Variants in TULP4 observed in about 807,000 individuals in gnomAD.
The protein encoded by TULP4 is TUB like protein 4.
TULP4 carries 16 observed loss-of-function variants against 129.0 expected under a neutral mutation model. The observed-to-expected ratio is 0.12, with a 90% CI of 0.08 to 0.19. The LOEUF is 0.19. Among genes scored for constraint, TULP4 ranks in the 10% least tolerant of loss-of-function variants. The probability of loss-of-function intolerance (pLI) is 1.00; values close to 1 mark genes in which losing one functional copy is unlikely to be tolerated. For missense variants in TULP4, 1,842 were observed against 2,059.1 expected (o/e 0.89, Z 2.04); for synonymous variants, 998 against 854.0 (o/e 1.17, Z -2.94).
At chr6:158,242,203 T>C (rs1458866291) in intron 1 of TULP4, 1 of 1,406,838 alleles carries the variant, frequency 7.1e-7, no homozygotes, top group Non-Finnish European at 1.0e-6. Flanking sequence ...TGATAATGAA[T>C]GGTGGCAAAG....
intron 1 of TULP4, among the ~76,000 whole-genome samples, chr6:158,327,673 A>AT (rs71030152): frequency 0.68 from 102,646 of 150,302 alleles, 35,161 homozygotes; most frequent in East Asian, 0.86. Context: ...GTTTTAAACA[A>AT]TTTTTTTTTT....
intron 12 of TULP4, among the ~76,000 whole-genome samples, chr6:158,500,371 T>C (rs1018227832): frequency 1.3e-5 from 2 of 152,226 alleles, no homozygotes; most frequent in Non-Finnish European, 2.9e-5. Context: ...GGGAGAGTTA[T>C]GTCTTACTAG....
chr6:158,239,847 G>T (rs1583665144), intron 1 of TULP4, among the ~76,000 whole-genome samples: 3 of 71,550 alleles, frequency 4.2e-5, no homozygotes, highest in Admixed American at 3.5e-4. Flanking sequence ...GGACGGGGCG[G>T]CTGGCCGGGC....
At chr6:158,236,817 T>C (rs1181958230) in intron 1 of TULP4, among the ~76,000 whole-genome samples, 3 of 117,700 alleles carry the variant, frequency 2.5e-5, no homozygotes, top group Non-Finnish European at 5.4e-5. Flanking sequence ...TTTTTTTTTT[T>C]TTTTTTTTTT....
chr6:158,350,324 T>C (rs1332568906), intron 1 of TULP4, among the ~76,000 whole-genome samples: 6 of 146,820 alleles, frequency 4.1e-5, no homozygotes, highest in African/African-American at 1.5e-4. Context: ...CTAGATGGGG[T>C]GGCGGGCGGG....
intron 1 of TULP4, among the ~76,000 whole-genome samples, chr6:158,400,218 T>TTA (rs1197686875): frequency 6.6e-6 from 1 of 152,268 alleles, no homozygotes; most frequent in Non-Finnish European, 1.5e-5. Context: ...AAAGGTATTT[T>TTA]TATACATTGG....
At position 158,506,264 on chromosome 6, in the gene TULP4, C is replaced by T. The variant is rs562018656; in HGVS notation, c.4516-314C>T. On this transcript the variant is annotated intron_variant, in intron 13 of 13. Transcript: ENST00000367097. The stretch of plus-strand genomic sequence containing the variant: ...TTTTTTTTTTTTGAGATGAAGTCTC[C>T]TCTGTCGCCCAGGCTGGAGTGCAGT... Among the ~76,000 whole-genome samples, 4 of 115,406 alleles carry T rather than the reference C, an allele frequency of 3.5e-5. No individual in the cohort carries two copies. The East Asian group carries it at 7.4e-4, about 21-fold the overall frequency. The allele number at this position is 115,406 out of a possible 152,430, so 75.7% of individuals were successfully genotyped here.
chr6:158,492,252 C>T (rs1041338944), intron 9 of TULP4, among the ~76,000 whole-genome samples: 21 of 152,320 alleles, frequency 1.4e-4, no homozygotes, highest in Non-Finnish European at 1.8e-4. Context: ...TTAGTGCTTT[C>T]TGTGTCCTGT....
At chr6:158,239,971 G>A (rs1248022828) in intron 1 of TULP4, among the ~76,000 whole-genome samples, 1 of 101,580 alleles carries the variant, frequency 9.8e-6, no homozygotes, top group Non-Finnish European at 2.3e-5. Flanking sequence ...CTCCCGGACG[G>A]GGCGGCTGGC....
At chr6:158,444,296 G>GT (rs1348980808) in intron 3 of TULP4, among the ~76,000 whole-genome samples, 2 of 114,644 alleles carry the variant, frequency 1.7e-5, no homozygotes, top group Non-Finnish European at 3.5e-5. Flanking sequence ...AACAAAAAGA[G>GT]TTCCTTCCAA....
chr6:158,275,686 A>T (rs949598547), intron 1 of TULP4, among the ~76,000 whole-genome samples: 1 of 152,226 alleles, frequency 6.6e-6, no homozygotes. Flanking sequence ...CATGGAGCCC[A>T]AGGAAATAGG....
At chr6:158,491,668 T>C (rs564302044) in intron 9 of TULP4, among the ~76,000 whole-genome samples, 2 of 151,248 alleles carry the variant, frequency 1.3e-5, no homozygotes, top group East Asian at 2.0e-4. Flanking sequence ...ATTTTTTGTA[T>C]TTTTAGTAGA....
intron 7 of TULP4, among the ~76,000 whole-genome samples, chr6:158,480,395 A>C (rs1177240321): frequency 6.6e-6 from 1 of 152,264 alleles, no homozygotes; most frequent in Non-Finnish European, 1.5e-5. Flanking sequence ...CTTGCTCCCT[A>C]GCTGGTTAGG....
At chr6:158,245,124 A>G (rs966879182) in intron 1 of TULP4, among the ~76,000 whole-genome samples, 1 of 151,114 alleles carries the variant, frequency 6.6e-6, no homozygotes, top group Non-Finnish European at 1.5e-5. Flanking sequence ...AGTAGCTGGG[A>G]CTACGGGCAC....
At chr6:158,351,051 G>A (rs1377217420) in intron 1 of TULP4, among the ~76,000 whole-genome samples, 1 of 152,152 alleles carries the variant, frequency 6.6e-6, no homozygotes, top group African/African-American at 2.4e-5. Flanking sequence ...ACCACGCCTG[G>A]CCCTGTTTTG....
chr6:158,471,642 G>T (rs568965295), intron 6 of TULP4, among the ~76,000 whole-genome samples: 1 of 152,316 alleles, frequency 6.6e-6, no homozygotes, highest in East Asian at 1.9e-4. Flanking sequence ...CAGAGTTAAG[G>T]CCATATGTAT....
intron 1 of TULP4, among the ~76,000 whole-genome samples, chr6:158,327,402 T>A (rs1256401656): frequency 1.3e-5 from 2 of 152,230 alleles, no homozygotes; most frequent in Non-Finnish European, 2.9e-5. Context: ...ACTACCCACC[T>A]GCATCCTGGA....
chr6:158,252,835 A>C (rs1778168724), intron 1 of TULP4, among the ~76,000 whole-genome samples: 4 of 152,046 alleles, frequency 2.6e-5, no homozygotes, highest in Admixed American at 2.6e-4. Context: ...TTTTTTCACT[A>C]ATGTACTTTT....
chr6:158,338,075 T>C (rs1453258906), intron 1 of TULP4, among the ~76,000 whole-genome samples: 2 of 152,210 alleles, frequency 1.3e-5, no homozygotes, highest in Admixed American at 6.5e-5. Flanking sequence ...GTCAAGTTAC[T>C]GGTCTCTATG....
Sources: allele counts gnomAD v4.1 joint callset (sites outside exome capture counted in the v4.1 genomes callset), GRCh38; gene constraint gnomAD v4.1.1; transcripts MANE v1.5; gene names NCBI Gene and HGNC (gene_info 2026-07-23, HGNC 2026-07-21).